The following CELA2A variants were observed in gnomAD, a reference collection of about 807,000 sequenced individuals.
CELA2A encodes chymotrypsin-like elastase family member 2A.
CELA2A carries 31 observed loss-of-function variants against 35.3 expected under a neutral mutation model. The ratio of observed to expected loss-of-function variants is 0.88; its 90% CI spans 0.66 to 1.19. The LOEUF is 1.19. Ranked by LOEUF, CELA2A falls within the 50% of genes most tolerant of loss-of-function variation. The probability of loss-of-function intolerance (pLI) is 0.00; values close to 1 mark genes in which losing one functional copy is unlikely to be tolerated. For missense variants in CELA2A, 330 were observed against 352.9 expected (o/e 0.94, Z 0.52); for synonymous variants, 150 against 149.8 (o/e 1.00, Z -0.01).
chr1:15,462,890 G>A (rs545240114), intron 4 of CELA2A, 29 bp downstream of exon 4: 3 of 1,613,952 alleles, frequency 1.9e-6, no homozygotes, highest in East Asian at 2.2e-5. Context: ...GCACTTGGGG[G>A]TGAGGTTGTC....
chr1:15,471,438 C>G (rs758899528), intron 7 of CELA2A, among the ~76,000 whole-genome samples: 2 of 152,076 alleles, frequency 1.3e-5, no homozygotes, highest in Non-Finnish European at 2.9e-5. Flanking sequence ...ATCTCAGCTA[C>G]CCGGGAGGCT....
chr1:15,460,507 C>G (rs1231481453), intron 2 of CELA2A, among the ~76,000 whole-genome samples: 4 of 152,102 alleles, frequency 2.6e-5, no homozygotes, highest in African/African-American at 4.8e-5. Context: ...TCAGAGCAGT[C>G]CATGCCCTAC....
intron 2 of CELA2A, chr1:15,457,524 C>T (rs7522578): frequency 0.47 from 90,153 of 190,276 alleles, 23,898 homozygotes; most frequent in East Asian, 0.72. Flanking sequence ...GCAGGAGGAT[C>T]GCTTGAACCC....
At chr1:15,462,894 G>A (rs770452292) in intron 4 of CELA2A, 33 bp downstream of exon 4, 5 of 1,613,888 alleles carry the variant, frequency 3.1e-6, no homozygotes, top group Admixed American at 3.3e-5. Context: ...TTGGGGGTGA[G>A]GTTGTCAGGG....
chr1:15,465,942 C>A (rs1162619416), intron 5 of CELA2A, 57 bp from the exon 6 acceptor site: 2 of 1,601,068 alleles, frequency 1.2e-6, no homozygotes, highest in Admixed American at 3.3e-5. Context: ...GGGTCCATCA[C>A]TTCCTTTTTC....
At chr1:15,468,474 A>G (rs1708550981) in intron 7 of CELA2A, among the ~76,000 whole-genome samples, 1 of 152,216 alleles carries the variant, frequency 6.6e-6, no homozygotes, top group Non-Finnish European at 1.5e-5. Flanking sequence ...TTTAACAATG[A>G]ACACATTTGT....
intron 5 of CELA2A, among the ~76,000 whole-genome samples, chr1:15,465,081 G>A (rs541228102): frequency 7.3e-6 from 1 of 137,584 alleles, no homozygotes; most frequent in Non-Finnish European, 1.5e-5. Context: ...GTGCAATCTC[G>A]GCTCACTGCA....
Position 15,471,174 on chromosome 1 carries a change from C to T in CELA2A, c.793-816C>T, listed in dbSNP as rs548215062. Among the ~76,000 whole-genome samples the T allele has an allele frequency of 7.2e-5, 11 of 152,252 alleles. No homozygotes were observed. The East Asian group carries it at 1.4e-3, about 19-fold the overall frequency. ...TGAACATCCTTGGACATAATTCTTGCACACTGGTCTGAGTATTTGTGCTGT... is the reference window on the plus strand; with the variant it reads ...TGAACATCCTTGGACATAATTCTTGTACACTGGTCTGAGTATTTGTGCTGT... On this transcript the variant is annotated intron_variant, in intron 7 of 7. Transcript: ENST00000359621.
At chr1:15,463,572 C>A (rs1221892671) in intron 5 of CELA2A, 50 bp downstream of exon 5, 2 of 1,611,814 alleles carry the variant, frequency 1.2e-6, no homozygotes, top group Non-Finnish European at 1.7e-6. Context: ...GGAGGTGATT[C>A]ACGTCACCCC....
intron 5 of CELA2A, among the ~76,000 whole-genome samples, chr1:15,465,308 C>G (rs186513882): frequency 6.6e-6 from 1 of 151,980 alleles, no homozygotes; most frequent in African/African-American, 2.4e-5. Flanking sequence ...CGCGCCCGAC[C>G]GACACTTAAC....
intron 5 of CELA2A, 112 bp from the exon 6 acceptor site, chr1:15,465,887 G>A (rs1402040421): frequency 3.4e-5 from 43 of 1,280,220 alleles, no homozygotes; most frequent in Non-Finnish European, 3.0e-5. Context: ...GTGGCTGTTC[G>A]CATGTTGCAA....
At chr1:15,465,192 G>C (rs1018823218) in intron 5 of CELA2A, among the ~76,000 whole-genome samples, 1 of 151,796 alleles carries the variant, frequency 6.6e-6, no homozygotes, top group African/African-American at 2.4e-5. Flanking sequence ...TTGTATTTTA[G>C]TAGAGGTGGG....
intron 6 of CELA2A, among the ~76,000 whole-genome samples, chr1:15,466,967 C>T (rs1708525756): frequency 6.6e-6 from 1 of 152,098 alleles, no homozygotes; most frequent in Non-Finnish European, 1.5e-5. Flanking sequence ...CACACTCTGC[C>T]CACATAGACC....
At chr1:15,456,951 G>C (rs887779873) in intron 1 of CELA2A, 135 bp from the exon 2 acceptor site, 3 of 1,292,120 alleles carry the variant, frequency 2.3e-6, no homozygotes, top group African/African-American at 1.5e-5. Flanking sequence ...TTGGAGCAAA[G>C]AGCAGGATTC....
chr1:15,461,764 T>G (rs772288206), intron 3 of CELA2A, 106 bp downstream of exon 3: 1 of 1,318,524 alleles, frequency 7.6e-7, no homozygotes, highest in Non-Finnish European at 1.1e-6. Flanking sequence ...GCCTTGCAAA[T>G]AACCACTATA....
At chr1:15,463,128 T>A in intron 4 of CELA2A, 2 of 711,308 alleles carry the variant, frequency 2.8e-6, no homozygotes, top group Non-Finnish European at 4.6e-6. Flanking sequence ...AGCATGTATC[T>A]ACTTCATGCC....
chr1:15,457,117 T>G lies in CELA2A; in HGVS notation c.72T>G (p.Pro24=). The change falls in exon 2 of 8, where the codon CCT becomes CCG. Residue 24 remains proline, a synonymous_variant. Coordinates refer to ENST00000359621, the MANE Select transcript of CELA2A (RefSeq NM_033440.3). ...ALSCGDPTYP[P]YVTRVVGGEE... is the part of the protein sequence containing the mutation. ...GTTGTGGGGACCCCACTTACCCACCTTATGTGACTAGGGTGGTTGGCGGTG... is the reference window on the plus strand; with the variant it reads ...GTTGTGGGGACCCCACTTACCCACCGTATGTGACTAGGGTGGTTGGCGGTG... 5 of 1,614,122 alleles carry G rather than the reference T, an allele frequency of 3.1e-6. No individual in the cohort carries two copies. Among genetic ancestry groups the G allele is most frequent in the Non-Finnish European group, 4.2e-6 (5 of 1,180,014 alleles).
Position 15,462,717 on chromosome 1 carries a change from G to T in CELA2A, c.228-16G>T. The T allele has an allele frequency of 6.2e-7, 1 of 1,613,638 alleles. No individual in the cohort carries two copies. Among genetic ancestry groups the T allele is most frequent in the Non-Finnish European group, 8.5e-7 (1 of 1,179,788 alleles). ...CCTCTGGAGGTGACCCTCTCCCTGG[G>T]CCCCCTTTCTCCCAGCTCCTCCAGG... On this transcript the variant is annotated splice_polypyrimidine_tract_variant and intron_variant, in intron 3 of 7. Transcript: ENST00000359621.
chr1:15,466,593 T>C (rs1417952469), intron 6 of CELA2A, among the ~76,000 whole-genome samples: 1 of 152,026 alleles, frequency 6.6e-6, no homozygotes, highest in Admixed American at 6.6e-5. Flanking sequence ...TGGTTCTTTT[T>C]TGTTCTTGTT....
Sources: allele counts gnomAD v4.1 joint callset (sites outside exome capture counted in the v4.1 genomes callset), GRCh38; gene constraint gnomAD v4.1.1; transcripts MANE v1.5; gene names NCBI Gene and HGNC (gene_info 2026-07-23, HGNC 2026-07-21).